Variants in COL27A1 observed in about 807,000 individuals in gnomAD.
COL27A1 encodes the protein collagen type XXVII alpha 1 chain.
In COL27A1, 106 loss-of-function variants were observed where a neutral mutation model predicts 251.3. The observed-to-expected ratio is 0.42, with a 90% confidence interval of 0.36 to 0.50. COL27A1 has a LOEUF of 0.50. Ranked by LOEUF, COL27A1 falls within the 20% of genes least tolerant of loss-of-function variation. The probability of loss-of-function intolerance (pLI) is 0.00; values close to 1 mark genes in which losing one functional copy is unlikely to be tolerated. For missense variants in COL27A1, 2,325 were observed against 2,522.8 expected, an observed-to-expected ratio of 0.92 and a Z score of 1.68; for synonymous variants, 1,000 against 986.3, an observed-to-expected ratio of 1.01 and a Z score of -0.26.
At chr9:114,293,783 A>G (rs1388227820) in intron 49 of COL27A1, among the ~76,000 whole-genome samples, 2 of 152,160 alleles carry the variant, frequency 1.3e-5, no homozygotes, top group African/African-American at 4.8e-5. Flanking sequence ...GAAATGGACA[A>G]ATTCCTTGAA....
At chr9:114,261,760 G>GA (rs34496334) in intron 28 of COL27A1, among the ~76,000 whole-genome samples, 45,612 of 151,988 alleles carry the variant, frequency 0.3, 7,796 homozygotes, top group Admixed American at 0.41. Flanking sequence ...AGGTAGTGGT[G>GA]AAAAAAATGG....
chr9:114,280,918 G>A (rs1386051469), intron 37 of COL27A1, among the ~76,000 whole-genome samples: 1 of 152,228 alleles, frequency 6.6e-6, no homozygotes, highest in Non-Finnish European at 1.5e-5. Flanking sequence ...TAGAGAACAT[G>A]GCTGGCCCTG....
intron 7 of COL27A1, 101 bp from the exon 8 acceptor site, chr9:114,204,992 GATGCAGTAC>G: frequency 1.0e-6 from 1 of 960,010 alleles, no homozygotes; most frequent in Non-Finnish European, 1.6e-6. Context: ...CTCCATCCCG[GATGCAGTAC>G]ATACGGTGCT....
intron 24 of COL27A1, among the ~76,000 whole-genome samples, chr9:114,250,056 G>A (rs566322601): frequency 3.3e-5 from 5 of 152,334 alleles, no homozygotes; most frequent in African/African-American, 4.8e-5. Flanking sequence ...GTCACCCAGC[G>A]GAGTTCAGCA....
chr9:114,230,485 C>T (rs189924259), intron 14 of COL27A1, among the ~76,000 whole-genome samples: 37 of 152,286 alleles, frequency 2.4e-4, no homozygotes, highest in East Asian at 1.4e-3. Flanking sequence ...CACCTTGGAC[C>T]GGCTGATCTG....
intron 14 of COL27A1, among the ~76,000 whole-genome samples, chr9:114,224,648 CTTTT>C (rs5900075): frequency 1.0e-5 from 1 of 97,346 alleles, no homozygotes. Flanking sequence ...CCTCCTGGTT[CTTTT>C]TTTTTTTTTT....
chr9:114,302,729 A>AC (rs201311881), intron 56 of COL27A1, among the ~76,000 whole-genome samples: 607 of 34,096 alleles, frequency 0.018, 2 homozygotes, highest in African/African-American at 0.032. Flanking sequence ...AAAAAAACAA[A>AC]AAAAAAAAAA....
rs1833482106 is a variant in COL27A1, at chr9:114,250,660, G to C, written c.3025G>C (p.Gly1009Arg). ...IGLVGEPGIV[G>R]EKGDRGMMGP... The stretch of plus-strand genomic sequence containing the variant: ...TCTGGTCGGGGAGCCAGGAATCGTG[G>C]GAGAAAAGGTAAGTGGTGTTGAGGG... Residue 1009 changes from glycine to arginine, a missense_variant, in exon 25 of 61, where the codon GGA becomes CGA. Gly to Arg is a moderately radical substitution (Grantham distance 125). Coordinates refer to ENST00000356083, the MANE Select transcript of COL27A1 (RefSeq NM_032888.4). The C allele has an allele frequency of 1.9e-6, 3 of 1,611,708 alleles. No homozygotes were observed. Among genetic ancestry groups the C allele is most frequent in the Admixed American group, 1.7e-5 (1 of 59,950 alleles).
chr9:114,286,093 T>C (rs546357103), intron 41 of COL27A1, among the ~76,000 whole-genome samples: 3 of 152,286 alleles, frequency 2.0e-5, no homozygotes, highest in South Asian at 2.1e-4. Context: ...CAGGTACTTA[T>C]GGAGGATTTA....
intron 4 of COL27A1, among the ~76,000 whole-genome samples, chr9:114,180,588 C>T (rs892597583): frequency 6.6e-6 from 1 of 152,164 alleles, no homozygotes; most frequent in Non-Finnish European, 1.5e-5. Context: ...TAAACAATCC[C>T]AGCTCCTCTC....
chr9:114,192,607 G>A (rs978925304), intron 5 of COL27A1, among the ~76,000 whole-genome samples: 8 of 152,118 alleles, frequency 5.3e-5, no homozygotes, highest in Non-Finnish European at 8.8e-5. Flanking sequence ...GTCAGACCTA[G>A]CCTGGGGACA....
rs768539211 is a variant in COL27A1, at chr9:114,288,915, G to A, written c.4100G>A (p.Gly1367Glu). 1 of 1,613,752 alleles carries A rather than the reference G, an allele frequency of 6.2e-7. No individual in the cohort carries two copies. Among genetic ancestry groups the A allele is most frequent in the Non-Finnish European group, 8.5e-7 (1 of 1,180,002 alleles). ...CACCTGTCTCTCTTTGGCTTCCAGG[G>A]ACAGGAGGGTGTGCAAGGCCTCCGT... The part of the protein sequence containing the change: ...RGEPGDPGYP[G>E]QEGVQGLRGK... The change falls in exon 44 of 61, where the codon GGA (glycine) becomes GAA (glutamate). Residue 1367 changes from glycine (G) to glutamate (E), a missense_variant and splice_region_variant. By Grantham distance (98) the Gly-to-Glu change is moderately conservative. This residue lies in a region of COL27A1 where 662 missense variants were observed against 795.3 expected (regional missense o/e 0.83). Coordinates refer to ENST00000356083, the MANE Select transcript of COL27A1 (RefSeq NM_032888.4).
intron 6 of COL27A1, 111 bp downstream of exon 6, chr9:114,194,568 G>A (rs542085475): frequency 3.1e-6 from 3 of 962,676 alleles, no homozygotes; most frequent in East Asian, 4.9e-5. Flanking sequence ...CAAAGGCAGG[G>A]AGGTGGGAAC....
intron 8 of COL27A1, among the ~76,000 whole-genome samples, chr9:114,205,354 C>A (rs554495080): frequency 2.0e-5 from 3 of 152,358 alleles, no homozygotes; most frequent in Admixed American, 2.0e-4. Flanking sequence ...AGAGTCCATG[C>A]CAGCCTGATG....
intron 16 of COL27A1, among the ~76,000 whole-genome samples, chr9:114,233,419 C>T (rs908597417): frequency 1.3e-5 from 2 of 152,178 alleles, no homozygotes; most frequent in Admixed American, 1.3e-4. Context: ...ATGCCCAAGC[C>T]TCCAGCCACA....
intron 18 of COL27A1, 95 bp from the exon 19 acceptor site, chr9:114,237,567 C>T: frequency 1.9e-6 from 2 of 1,070,768 alleles, no homozygotes; most frequent in Non-Finnish European, 2.9e-6. Context: ...TGCTTCTGAA[C>T]TTTCCAACCA....
chr9:114,174,003 A>T (rs1194441315), intron 3 of COL27A1, among the ~76,000 whole-genome samples: 1 of 149,938 alleles, frequency 6.7e-6, no homozygotes, highest in African/African-American at 2.5e-5. Flanking sequence ...TTTGAGACAG[A>T]GTCTTGCTCT....
At chr9:114,211,617 A>G (rs376105439) in intron 12 of COL27A1, among the ~76,000 whole-genome samples, 48 of 152,360 alleles carry the variant, frequency 3.2e-4, no homozygotes, top group African/African-American at 1.2e-3. Flanking sequence ...ACATGGAGAA[A>G]GAGCCAAGGC....
At chr9:114,216,506 C>T (rs1222856008) in intron 12 of COL27A1, among the ~76,000 whole-genome samples, 1 of 152,210 alleles carries the variant, frequency 6.6e-6, no homozygotes, top group Non-Finnish European at 1.5e-5. Flanking sequence ...CTGGAAATGG[C>T]TCTGCCACTT....
Sources: gnomAD v4.1 joint callset for allele counts (sites outside exome capture counted in the v4.1 genomes callset) on GRCh38, gnomAD v4.1.1 for gene constraint, gnomAD v4.1.1 regional missense constraint, MANE v1.5 for transcripts, NCBI Gene and HGNC (gene_info 2026-07-23, HGNC 2026-07-21) for gene names.